The following KMT2C variants were observed in gnomAD, a reference collection of about 807,000 sequenced individuals.
The protein encoded by KMT2C is lysine methyltransferase 2C, also known as histone-lysine N-methyltransferase 2C.
KMT2C carries 88 observed loss-of-function variants against 507.9 expected under a neutral mutation model. That is an observed-to-expected ratio of 0.17 (90% CI 0.15 to 0.21). The LOEUF is 0.21. Among genes scored for constraint, KMT2C ranks in the 10% least tolerant of loss-of-function variants. The probability of loss-of-function intolerance (pLI) is 1.00; values close to 1 mark genes in which losing one functional copy is unlikely to be tolerated. For synonymous variants in KMT2C, 2,049 were observed against 2,080.8 expected (o/e 0.98, Z 0.42); for missense variants, 4,954 against 5,957.8 (o/e 0.83, Z 5.55).
Position 152,182,444 on chromosome 7 carries a change from T to A in KMT2C, c.5416A>T (p.Ile1806Leu), listed in dbSNP as rs1256350350. ...QSGSDTPSSG[I>L]QSPLTPQPGN... ...GGCTGAGGTGTCAAGGGACTCTGTA[T>A]CCCACTACTTGGTGTATCTGAACCA... The change falls in exon 36 of 59, where the codon ATA becomes TTA. Residue 1806 changes from isoleucine (I) to leucine (L), a missense_variant. Around this residue, in one of 29 missense-constraint regions of KMT2C, gnomAD observed 1,689 missense variants for 1,654.3 expected, o/e 1.02. Transcript: ENST00000262189. The A allele has an allele frequency of 6.2e-7, 1 of 1,614,096 alleles. No homozygotes were observed.
At chr7:152,421,291 C>T (rs1409097487) in intron 1 of KMT2C, among the ~76,000 whole-genome samples, 2 of 152,164 alleles carry the variant, frequency 1.3e-5, no homozygotes, top group Non-Finnish European at 2.9e-5. Flanking sequence ...TTATACACTG[C>T]TAGTGGGAAT....
At chr7:152,261,593 A>C (rs1401556963) in intron 9 of KMT2C, among the ~76,000 whole-genome samples, 4 of 152,204 alleles carry the variant, frequency 2.6e-5, no homozygotes, top group Non-Finnish European at 4.4e-5. Context: ...ACTTAAAAAA[A>C]AGATAAAGAT....
At chr7:152,255,127 A>ATATATG (rs1554583804) in intron 9 of KMT2C, among the ~76,000 whole-genome samples, 3 of 126,658 alleles carry the variant, frequency 2.4e-5, no homozygotes, top group African/African-American at 9.2e-5. Context: ...ATATATATAT[A>ATATATG]TATATATATA....
Position 152,139,704 on chromosome 7 carries a change from T to G in KMT2C, c.14431A>C (p.Asn4811His). 1.9e-6 allele frequency: 3 copies of G among 1,613,886 alleles called. No homozygotes were observed. The highest frequency in any genetic ancestry group is 2.5e-6 in the Non-Finnish European group (3 of 1,179,744). Reference sequence around the variant, plus strand: ...GACTCATAAAGCTTCTCTTTCCTGTTGGCTACTTCGTTTCGAATGATAGTC... The same window carrying G: ...GACTCATAAAGCTTCTCTTTCCTGTGGGCTACTTCGTTTCGAATGATAGTC... ...IGTIIRNEVA[N>H]RKEKLYESQN... The change falls in exon 56 of 59, where the codon AAC (asparagine) becomes CAC (histidine). Residue 4811 changes from asparagine to histidine, a missense_variant. Around this residue, in one of 29 missense-constraint regions of KMT2C, gnomAD observed 133 missense variants for 258.9 expected, o/e 0.51. Transcript: ENST00000262189.
chr7:152,296,692 T>C (rs1248187693), intron 6 of KMT2C, among the ~76,000 whole-genome samples: 2 of 152,046 alleles, frequency 1.3e-5, no homozygotes, highest in Non-Finnish European at 2.9e-5. Flanking sequence ...CTTGTTATCA[T>C]GAAGCTACTG....
At chr7:152,196,672 C>G (rs945181285) in intron 27 of KMT2C, among the ~76,000 whole-genome samples, 1 of 152,100 alleles carries the variant, frequency 6.6e-6, no homozygotes, top group Non-Finnish European at 1.5e-5. Context: ...GCTGTAAGTG[C>G]TATTTAAAGA....
intron 6 of KMT2C, among the ~76,000 whole-genome samples, chr7:152,289,679 C>G (rs1167813874): frequency 3.3e-5 from 5 of 152,122 alleles, no homozygotes; most frequent in African/African-American, 4.8e-5. Flanking sequence ...AAACTTATAT[C>G]CAACAATGTA....
chr7:152,172,901 T>C (rs955789380), intron 39 of KMT2C, among the ~76,000 whole-genome samples: 5 of 152,180 alleles, frequency 3.3e-5, no homozygotes, highest in Non-Finnish European at 7.3e-5. Context: ...GTTAATACTT[T>C]AAGGAACATA....
chr7:152,427,434 A>T (rs139580297), intron 1 of KMT2C, among the ~76,000 whole-genome samples: 91 of 152,320 alleles, frequency 6.0e-4, no homozygotes, highest in African/African-American at 2.1e-3. Context: ...ACTGCTTTAC[A>T]ACTTTTGGAA....
At chr7:152,396,267 C>T (rs1464921004) in intron 1 of KMT2C, among the ~76,000 whole-genome samples, 1 of 151,966 alleles carries the variant, frequency 6.6e-6, no homozygotes, top group Non-Finnish European at 1.5e-5. Flanking sequence ...GCCAAACTTC[C>T]CAAAAGATAT....
intron 9 of KMT2C, among the ~76,000 whole-genome samples, chr7:152,255,937 G>C (rs1366477835): frequency 6.6e-6 from 1 of 152,206 alleles, no homozygotes; most frequent in Non-Finnish European, 1.5e-5. Flanking sequence ...GGGAGGCCGA[G>C]GCAGGCAGAT....
At chr7:152,147,105 TTAAAA>T (rs2091174986) in intron 52 of KMT2C, among the ~76,000 whole-genome samples, 1 of 152,226 alleles carries the variant, frequency 6.6e-6, no homozygotes. Flanking sequence ...CAGATTTAAA[TTAAAA>T]TGTTAAATTG....
In KMT2C at chr7:152,248,279, T is replaced by A. The variant is rs2129164185; in HGVS notation, c.2155A>T (p.Arg719Trp). The A allele has an allele frequency of 6.2e-7, 1 of 1,613,914 alleles. No individual in the cohort carries two copies. Among genetic ancestry groups the A allele is most frequent in the African/African-American group, 1.3e-5 (1 of 75,064 alleles). Residue 719 changes from arginine to tryptophan, a missense_variant, in exon 14 of 59, where the codon AGG becomes TGG. Arg to Trp is a moderately radical substitution (Grantham distance 101). Transcript: ENST00000262189. ...TTCTGTTCCTTTTCTCCTTGTAGCC[T>A]TTCTATAACCAACTGTTCCTCAGGA... ...LCPEEQLVIE[R>W]LQGEKEQKEN...
intron 31 of KMT2C, among the ~76,000 whole-genome samples, chr7:152,190,397 G>A (rs1588078319): frequency 6.6e-6 from 1 of 152,126 alleles, no homozygotes; most frequent in Non-Finnish European, 1.5e-5. Flanking sequence ...AGTAATATTA[G>A]CTATTATTTG....
rs1398745849 is a variant in KMT2C at position 152,136,527 on chromosome 7, C to T, written c.*305G>A. The T allele has an allele frequency of 6.2e-6, 2 of 322,258 alleles. No individual in the cohort carries two copies. Among genetic ancestry groups the T allele is most frequent in the African/African-American group, 4.3e-5 (2 of 46,328 alleles). The allele number at this position is 322,258 out of a possible 1,614,324, so 20.0% of individuals were successfully genotyped here. ...GAAAACCAAAACAATGAAACCCACCCACAAGGGAAAAACAAAACAAAAAAC... is the reference window on the plus strand; with the variant it reads ...GAAAACCAAAACAATGAAACCCACCTACAAGGGAAAAACAAAACAAAAAAC... On this transcript the variant is annotated 3_prime_UTR_variant, in exon 59 of 59. Coordinates refer to ENST00000262189, the MANE Select transcript of KMT2C (RefSeq NM_170606.3).
At chr7:152,245,643 A>C (rs2095460579) in intron 14 of KMT2C, among the ~76,000 whole-genome samples, 1 of 152,192 alleles carries the variant, frequency 6.6e-6, no homozygotes, top group South Asian at 2.1e-4. Flanking sequence ...GCTATCACAA[A>C]CTAGATCTTT....
intron 41 of KMT2C, among the ~76,000 whole-genome samples, chr7:152,167,889 A>G (rs1326413278): frequency 6.6e-6 from 1 of 152,210 alleles, no homozygotes; most frequent in East Asian, 1.9e-4. Context: ...AGAGAAAAGG[A>G]ACCCAGAATG....
In KMT2C at chr7:152,181,903, C is replaced by T. The variant is rs138373177; in HGVS notation, c.5957G>A (p.Arg1986Gln). 84 of 1,614,064 alleles carry T rather than the reference C, an allele frequency of 5.2e-5. 1 individual carries two copies. In the African/African-American group the frequency reaches 7.2e-4, roughly 14 times the overall value. The stretch of plus-strand genomic sequence containing the variant: ...AGTTTGTTCTGAAACTACAGGAGAC[C>T]GGGATAGGCCCAAGGATTTGGGAAA... Reference protein sequence around the residue: ...DQFPKSLGLSRSPVVSEQTAK... With the variant: ...DQFPKSLGLSQSPVVSEQTAK... The change falls in exon 36 of 59, where the codon CGG (arginine) becomes CAG (glutamine). Residue 1986 changes from arginine (R) to glutamine (Q), a missense_variant. This residue lies in a region of KMT2C where 1,689 missense variants were observed against 1,654.3 expected (regional missense o/e 1.02). Coordinates refer to ENST00000262189, the MANE Select transcript of KMT2C (RefSeq NM_170606.3).
At chr7:152,195,341 G>A (rs779350412) in intron 28 of KMT2C, among the ~76,000 whole-genome samples, 1 of 152,076 alleles carries the variant, frequency 6.6e-6, no homozygotes, top group Non-Finnish European at 1.5e-5. Context: ...AAAGTCACCC[G>A]AAGTACAGTA....
Sources: gnomAD v4.1 joint callset for allele counts (sites outside exome capture counted in the v4.1 genomes callset) on GRCh38, gnomAD v4.1.1 for gene constraint, gnomAD v4.1.1 regional missense constraint, MANE v1.5 for transcripts, NCBI Gene and HGNC (gene_info 2026-07-23, HGNC 2026-07-21) for gene names.